The following CAPN6 variants were observed in gnomAD, a reference collection of about 807,000 sequenced individuals.
CAPN6 encodes the protein calpain-6.
Under a neutral mutation model 46.0 loss-of-function variants are expected in CAPN6, and 16 were observed. The observed-to-expected ratio is 0.35, with a 90% CI of 0.24 to 0.53. The LOEUF (loss-of-function observed/expected upper bound fraction) is 0.53. CAPN6 is among the 20% of genes least tolerant of loss of function. The pLI is 0.94. For synonymous variants in CAPN6, 206 were observed against 172.8 expected (o/e 1.19, Z -1.51); for missense variants, 461 against 498.0 (o/e 0.93, Z 0.71).
intron 5 of CAPN6, 132 bp downstream of exon 5, chrX:111,252,175 G>A: frequency 2.0e-6 from 1 of 500,280 alleles, no homozygotes. Context: ...GGCAAAATGT[G>A]TATTTTAGCT....
intron 12 of CAPN6, 134 bp downstream of exon 12, chrX:111,247,233 GT>G (rs1603408106): frequency 3.9e-6 from 2 of 516,508 alleles, no homozygotes; most frequent in Non-Finnish European, 6.2e-6. Context: ...GATGAGAAGA[GT>G]TTTTGAGTAT....
chrX:111,270,343 TAA>T (rs2094995057), intron 1 of CAPN6, 26 bp downstream of exon 1: 1 of 313,577 alleles, frequency 3.2e-6, no homozygotes, highest in African/African-American at 2.4e-5. Flanking sequence ...AACTCCAGGG[TAA>T]GTTTGCGAAT....
intron 4 of CAPN6, 132 bp downstream of exon 4, chrX:111,252,876 C>T (rs2094980891): frequency 4.0e-6 from 2 of 502,355 alleles, no homozygotes; most frequent in Non-Finnish European, 3.3e-6. Flanking sequence ...CAAAGCAATG[C>T]CTTGGTTCTG....
chrX:111,266,010 A>C (rs1032414386), intron 1 of CAPN6, among the ~76,000 whole-genome samples: 1 of 110,760 alleles, frequency 9.0e-6, no homozygotes, highest in African/African-American at 3.3e-5. Context: ...ACATGGATAG[A>C]TTACAGCTTG....
chrX:111,268,986 T>C (rs2094994063), intron 1 of CAPN6, among the ~76,000 whole-genome samples: 1 of 112,299 alleles, frequency 8.9e-6, no homozygotes, highest in Admixed American at 9.4e-5. Context: ...ATTCATATTG[T>C]ACTCTTCTCA....
At chrX:111,256,347 C>T (rs1041362193) in intron 2 of CAPN6, among the ~76,000 whole-genome samples, 3 of 110,027 alleles carry the variant, frequency 2.7e-5, no homozygotes, top group Non-Finnish European at 5.7e-5. Flanking sequence ...TGCAGTGAGC[C>T]GAGATCACAC....
chrX:111,259,597 A>G (rs1453715713), intron 2 of CAPN6, among the ~76,000 whole-genome samples: 3 of 111,914 alleles, frequency 2.7e-5, no homozygotes, highest in Non-Finnish European at 5.6e-5. Flanking sequence ...TCAACCAGAC[A>G]ATGTAGTAAA....
rs1453533710 is a variant in CAPN6 at position 111,246,322 on chromosome X, A to T, written c.*255T>A. On this transcript the variant is annotated 3_prime_UTR_variant, in exon 13 of 13. Transcript: ENST00000324068. The stretch of plus-strand genomic sequence containing the variant: ...AATCTCACCCCCGGAAGCCCCAGAG[A>T]TCCTTTCTTGGCAAATGTGTATGAT... 8 of 349,516 alleles carry T rather than the reference A, an allele frequency of 2.3e-5. No individual in the cohort carries two copies. Among genetic ancestry groups the T allele is most frequent in the Non-Finnish European group, 4.0e-5 (8 of 202,526 alleles). The allele number at this position is 349,516 out of a possible 1,213,427, so 28.8% of individuals were successfully genotyped here. A position where few individuals can be genotyped will look rare whatever the true frequency, so the allele number is the denominator to read the frequency against.
Position 111,249,022 on chromosome X carries a change from G to A in CAPN6, c.1194C>T (p.Val398=), listed in dbSNP as rs939314988. Residue 398 remains valine, a synonymous_variant, in exon 9 of 13, where the codon GTC becomes GTT. Transcript: ENST00000324068. ...IFTVPEDGHK[V]IMSLQQKDLR... is the part of the protein sequence containing the mutation. ...GGTCCTTCTGCTGCAGTGACATAATGACCTTGTGCCCATCCTCAGGCACAG... is the reference window on the plus strand; with the variant it reads ...GGTCCTTCTGCTGCAGTGACATAATAACCTTGTGCCCATCCTCAGGCACAG... 1 of 1,209,374 alleles carries A rather than the reference G, an allele frequency of 8.3e-7. No individual in the cohort carries two copies. Among genetic ancestry groups the A allele is most frequent in the Non-Finnish European group, 1.1e-6 (1 of 894,846 alleles).
intron 2 of CAPN6, among the ~76,000 whole-genome samples, chrX:111,254,812 G>A (rs1178290835): frequency 9.0e-6 from 1 of 111,644 alleles, no homozygotes; most frequent in African/African-American, 3.3e-5. Context: ...ACCTGTGCTT[G>A]GAAGGGAGAT....
chrX:111,252,541 T>C, intron 4 of CAPN6, 42 bp from the exon 5 acceptor site: 1 of 1,082,708 alleles, frequency 9.2e-7, no homozygotes, highest in African/African-American at 1.8e-5. Flanking sequence ...AAATTGTTTT[T>C]CCAGGTCAAG....
intron 1 of CAPN6, among the ~76,000 whole-genome samples, chrX:111,269,761 C>A (rs17885119): frequency 9.0e-6 from 1 of 111,687 alleles, no homozygotes; most frequent in Non-Finnish European, 1.9e-5. Context: ...AATGGAATAG[C>A]CAAGATCAAC....
chrX:111,248,788 G>A lies in CAPN6; in HGVS notation c.1282-17C>T. 8.3e-7 allele frequency: 1 copy of A among 1,201,941 alleles called. No homozygotes were observed. The highest frequency in any genetic ancestry group is 3.0e-5 in the East Asian group (1 of 33,805). ...CATCTCCACCTGGAAATGAAATAGG[G>A]TAAAATATTCAATTCCACTCAAATC... On this transcript the variant is annotated splice_polypyrimidine_tract_variant and intron_variant, in intron 9 of 12. Transcript: ENST00000324068.
In CAPN6 at chrX:111,247,418, T is replaced by G. The variant is rs746083186; in HGVS notation, c.1693A>C (p.Thr565Pro). The change falls in exon 12 of 13, where the codon ACC becomes CCC. Residue 565 changes from threonine (T) to proline (P), a missense_variant. Thr to Pro is a conservative substitution (Grantham distance 38, BLOSUM62 -1). Coordinates refer to ENST00000324068, the MANE Select transcript of CAPN6 (RefSeq NM_014289.4). ...QKNTVHAIFD[T>P]QAIFYRRTTD... ...GTCCTTCTGTAGAAAATGGCCTGGG[T>G]GTCAAAAATGGCATGAACTGTATTC... 2 of 1,208,002 alleles carry G rather than the reference T, an allele frequency of 1.7e-6. No homozygotes were observed. Among genetic ancestry groups the G allele is most frequent in the Non-Finnish European group, 2.2e-6 (2 of 892,948 alleles).
At chrX:111,261,068 A>T (rs980924998) in intron 2 of CAPN6, among the ~76,000 whole-genome samples, 11 of 112,244 alleles carry the variant, frequency 9.8e-5, no homozygotes, top group Non-Finnish European at 1.5e-4. Context: ...GGAACAATTA[A>T]TGGAAGTGTG....
At chrX:111,257,095 T>C (rs1049711498) in intron 2 of CAPN6, among the ~76,000 whole-genome samples, 16 of 111,296 alleles carry the variant, frequency 1.4e-4, no homozygotes, top group Admixed American at 2.9e-4. Context: ...GCAGGAGACC[T>C]AGGCCTAAAG....
intron 10 of CAPN6, 25 bp from the exon 11 acceptor site, chrX:111,248,017 G>T: frequency 8.4e-7 from 1 of 1,187,537 alleles, no homozygotes; most frequent in South Asian, 1.8e-5. Context: ...ATAAAATATT[G>T]TCATCATATG....
intron 2 of CAPN6, among the ~76,000 whole-genome samples, chrX:111,258,590 C>T (rs1198900520): frequency 9.0e-6 from 1 of 111,614 alleles, no homozygotes; most frequent in African/African-American, 3.3e-5. Flanking sequence ...CTCAAGAAGT[C>T]CACTTTTCCT....
chrX:111,251,085 A>G lies in CAPN6; in HGVS notation c.990T>C (p.Phe330=), dbSNP rs1038644023. The G allele has an allele frequency of 1.7e-6, 2 of 1,208,717 alleles. No individual in the cohort carries two copies. The highest frequency in any genetic ancestry group is 3.5e-5 in the African/African-American group (2 of 56,710). The change falls in exon 8 of 13, where the codon TTT becomes TTC. Residue 330 remains phenylalanine (F), a synonymous_variant. Coordinates refer to ENST00000324068, the MANE Select transcript of CAPN6 (RefSeq NM_014289.4). ...DGEFWMSLED[F]CRNFHKLNVC... ...CATTCAGTTTGTGAAAGTTGCGGCA[A>G]AAGTCCTCCAAGCTCATCCTGAATG...
Sources: allele counts gnomAD v4.1 joint callset (sites outside exome capture counted in the v4.1 genomes callset), GRCh38; gene constraint gnomAD v4.1.1; transcripts MANE v1.5; gene names NCBI Gene and HGNC (gene_info 2026-07-23, HGNC 2026-07-21).